B4GALT6: variants seen among roughly 807,000 people sequenced by gnomAD.
B4GALT6 encodes beta-1,4-galactosyltransferase 6.
In B4GALT6, 14 loss-of-function variants were observed where a neutral mutation model predicts 46.3. The observed-to-expected ratio is 0.30, with a 90% CI of 0.20 to 0.47. The LOEUF is 0.47. Among genes scored for constraint, B4GALT6 ranks in the 20% least tolerant of loss-of-function variants. B4GALT6 has a pLI of 0.99. For synonymous variants in B4GALT6, 168 were observed against 162.0 expected, an observed-to-expected ratio of 1.04 and a Z score of -0.28; for missense variants, 386 against 480.1, an observed-to-expected ratio of 0.80 and a Z score of 1.83.
the B4GALT6 span, among the ~76,000 whole-genome samples, chr18:31,705,848 A>G: frequency 6.6e-6 from 1 of 152,218 alleles, no homozygotes; most frequent in Non-Finnish European, 1.5e-5. Flanking sequence ...ATGGTTTTTT[A>G]TTGCCCTATA....
chr18:31,652,113 A>G (rs996342490), intron 3 of B4GALT6, among the ~76,000 whole-genome samples: 1 of 151,736 alleles, frequency 6.6e-6, no homozygotes, highest in African/African-American at 2.4e-5. Flanking sequence ...CAACATGCTC[A>G]AGTCCATCTC....
At chr18:31,628,190 C>T (rs535589140) in intron 6 of B4GALT6, among the ~76,000 whole-genome samples, 2 of 152,164 alleles carry the variant, frequency 1.3e-5, no homozygotes, top group Non-Finnish European at 2.9e-5. Context: ...ATGGTAACAG[C>T]AACACTGATC....
chr18:31,672,786 G>T (rs2074371334), intron 1 of B4GALT6, among the ~76,000 whole-genome samples: 1 of 152,196 alleles, frequency 6.6e-6, no homozygotes, highest in Non-Finnish European at 1.5e-5. Context: ...AGAGTTGTTA[G>T]TAAGTGGTGG....
intron 4 of B4GALT6, among the ~76,000 whole-genome samples, chr18:31,643,394 G>A (rs2073954396): frequency 6.6e-6 from 1 of 152,092 alleles, no homozygotes; most frequent in Non-Finnish European, 1.5e-5. Flanking sequence ...CACATCCCAG[G>A]TTCAAGCAAA....
upstream of B4GALT6, among the ~76,000 whole-genome samples, chr18:31,690,099 AC>A (rs1370738126): frequency 3.9e-5 from 6 of 152,152 alleles, no homozygotes; most frequent in Non-Finnish European, 5.9e-5. Context: ...AAAATAGCCT[AC>A]CTTCAGTCAT....
upstream of B4GALT6, chr18:31,686,837 T>C (rs1417882813): frequency 1.3e-5 from 2 of 152,252 alleles, no homozygotes; most frequent in African/African-American, 2.4e-5. Context: ...TCAGTTAGAC[T>C]GGTTGTTTAC....
Position 31,625,702 on chromosome 18 carries a change from A to G in B4GALT6, c.1061T>C (p.Ile354Thr). 1 of 1,613,716 alleles carries G rather than the reference A, an allele frequency of 6.2e-7. No individual in the cohort carries two copies. Among genetic ancestry groups the G allele is most frequent in the Non-Finnish European group, 8.5e-7 (1 of 1,179,810 alleles). Residue 354 changes from isoleucine (I) to threonine (T), a missense_variant, in exon 9 of 9, where the codon ATA becomes ACA. By Grantham distance (89) the Ile-to-Thr change is moderately conservative (BLOSUM62 -1). Coordinates refer to ENST00000306851, the MANE Select transcript of B4GALT6 (RefSeq NM_004775.5). ...RQYIDGLNNL[I>T]YRPKILVDRL... The stretch of plus-strand genomic sequence containing the variant: ...ATCAACCAGTATTTTTGGCCTATAT[A>G]TTAAATTGTTCAGTCCATCGATGTA...
At position 31,622,483 on chromosome 18, in the gene B4GALT6, T is replaced by A. The variant is rs2073628886; in HGVS notation, c.*3131A>T. The A allele has an allele frequency of 6.6e-6, 1 of 151,962 alleles. No homozygotes were observed. Among genetic ancestry groups the A allele is most frequent in the Non-Finnish European group, 1.5e-5 (1 of 67,906 alleles). The allele number at this position is 151,962 out of a possible 1,614,324, so 9.4% of individuals were successfully genotyped here. Reference sequence around the variant, plus strand: ...ATACTTGCAAATACAAGACAATAAATCTACAACAGTATGTATTTGAAAAAC... The same window carrying A: ...ATACTTGCAAATACAAGACAATAAAACTACAACAGTATGTATTTGAAAAAC... On this transcript the variant is annotated 3_prime_UTR_variant, in exon 9 of 9. Coordinates refer to ENST00000306851, the MANE Select transcript of B4GALT6 (RefSeq NM_004775.5).
At chr18:31,666,502 A>T (rs1331107775) in intron 1 of B4GALT6, 130 bp from the exon 2 acceptor site, 1 of 406,090 alleles carries the variant, frequency 2.5e-6, no homozygotes. Context: ...CAAACGCAAA[A>T]CAGAAATATA....
At chr18:31,630,880 G>A in intron 6 of B4GALT6, 79 bp downstream of exon 6, 2 of 1,460,600 alleles carry the variant, frequency 1.4e-6, no homozygotes, top group Non-Finnish European at 1.9e-6. Context: ...CAGATTTAGG[G>A]ACATAACGCT....
the B4GALT6 span, among the ~76,000 whole-genome samples, chr18:31,696,805 T>C: frequency 6.6e-6 from 1 of 152,202 alleles, no homozygotes; most frequent in Non-Finnish European, 1.5e-5. Context: ...ATAGTTCTAA[T>C]AGTAAAGGTC....
At chr18:31,714,548 T>TA in the B4GALT6 span, among the ~76,000 whole-genome samples, 2 of 152,160 alleles carry the variant, frequency 1.3e-5, no homozygotes, top group African/African-American at 4.8e-5. Flanking sequence ...CTCTGGGACT[T>TA]ACAGTCAGGC....
intron 1 of B4GALT6, among the ~76,000 whole-genome samples, chr18:31,678,508 T>C (rs1021725672): frequency 6.6e-6 from 1 of 152,228 alleles, no homozygotes; most frequent in Non-Finnish European, 1.5e-5. Flanking sequence ...AAATAATTAG[T>C]TCCTTCAACT....
intron 1 of B4GALT6, among the ~76,000 whole-genome samples, chr18:31,682,302 CT>C (rs966410088): frequency 9.2e-5 from 14 of 152,036 alleles, no homozygotes; most frequent in African/African-American, 3.4e-4. Flanking sequence ...AAAAAGGAGG[CT>C]TTTTTTGGCT....
chr18:31,632,762 G>C (rs2073807353), intron 5 of B4GALT6, among the ~76,000 whole-genome samples: 1 of 152,150 alleles, frequency 6.6e-6, no homozygotes, highest in Non-Finnish European at 1.5e-5. Flanking sequence ...TGCAAACTGG[G>C]AATAACTACA....
upstream of B4GALT6, chr18:31,684,595 G>C: frequency 7.3e-7 from 1 of 1,376,804 alleles, no homozygotes; most frequent in Non-Finnish European, 9.4e-7. Context: ...ATGGGAGGGA[G>C]CGGACGGAAT....
At position 31,631,134 on chromosome 18, in the gene B4GALT6, G is replaced by A; in HGVS notation, c.601C>T (p.Pro201Ser). 2.5e-6 allele frequency: 4 copies of A among 1,612,384 alleles called. No individual in the cohort carries two copies. The highest frequency in any genetic ancestry group is 3.4e-6 in the Non-Finnish European group (4 of 1,179,230). Residue 201 changes from proline to serine, a missense_variant, in exon 6 of 9, where the codon CCT (proline) becomes TCT (serine). Transcript: ENST00000306851. ...TTGAAAAGCATCGCACGGTTAAAAGGTTGTGTGCCAGTCTTCATGGAGCAG... is the reference window on the plus strand; with the variant it reads ...TTGAAAAGCATCGCACGGTTAAAAGATTGTGTGCCAGTCTTCATGGAGCAG... ...FYVIEQTGTQ[P>S]FNRAMLFNVG... is the part of the protein sequence containing the mutation.
rs376084385 is a variant in B4GALT6 at position 31,671,272 on chromosome 18, T to C, written c.116-4900A>G. On this transcript the variant is annotated intron_variant, in intron 1 of 8. Transcript: ENST00000306851. ...TTTGGGTATATGCCCAGTAATGAGATTGCTGGGTCACACGGTATTTCCAGT... is the reference window on the plus strand; with the variant it reads ...TTTGGGTATATGCCCAGTAATGAGACTGCTGGGTCACACGGTATTTCCAGT... Among the ~76,000 whole-genome samples the C allele has an allele frequency of 4.6e-5, 7 of 152,312 alleles. No individual in the cohort carries two copies. The East Asian group carries it at 5.8e-4, about 13-fold the overall frequency.
chr18:31,686,898 T>C (rs751747844), upstream of B4GALT6: 1 of 152,242 alleles, frequency 6.6e-6, no homozygotes, highest in Non-Finnish European at 1.5e-5. Context: ...ATACCTTTGC[T>C]GACCTAGTGG....
Sources: allele counts gnomAD v4.1 joint callset (sites outside exome capture counted in the v4.1 genomes callset), GRCh38; gene constraint gnomAD v4.1.1; transcripts MANE v1.5; gene names NCBI Gene and HGNC (gene_info 2026-07-23, HGNC 2026-07-21).